The following FLRT2 variants were observed in gnomAD, a reference collection of about 807,000 sequenced individuals.
The protein encoded by FLRT2 is fibronectin leucine rich transmembrane protein 2, also known as leucine-rich repeat transmembrane protein FLRT2.
FLRT2 carries 15 observed loss-of-function variants against 40.0 expected under a neutral mutation model. The ratio of observed to expected loss-of-function variants is 0.38; its 90% confidence interval spans 0.25 to 0.58. FLRT2 has a LOEUF of 0.58. Ranked by LOEUF, FLRT2 falls within the 20% of genes least tolerant of loss-of-function variation. FLRT2 has a pLI of 0.71. For missense variants in FLRT2, 726 were observed against 840.0 expected, an observed-to-expected ratio of 0.86 and a Z score of 1.68; for synonymous variants, 380 against 336.8, an observed-to-expected ratio of 1.13 and a Z score of -1.41.
intron 1 of FLRT2, among the ~76,000 whole-genome samples, chr14:85,552,481 G>C (rs1889694902): frequency 6.6e-6 from 1 of 152,148 alleles, no homozygotes; most frequent in Non-Finnish European, 1.5e-5. Flanking sequence ...GGCTTATTCA[G>C]AAAAAGTTAA....
At chr14:85,587,500 C>T (rs1347856776) in intron 1 of FLRT2, among the ~76,000 whole-genome samples, 1 of 152,078 alleles carries the variant, frequency 6.6e-6, no homozygotes, top group Non-Finnish European at 1.5e-5. Context: ...AAAGCATATT[C>T]AGTTCCTAGG....
At chr14:85,563,962 C>A (rs1232384779) in intron 1 of FLRT2, among the ~76,000 whole-genome samples, 1 of 152,132 alleles carries the variant, frequency 6.6e-6, no homozygotes, top group Admixed American at 6.5e-5. Flanking sequence ...TAAAGGGAGA[C>A]ACTCATGTAG....
chr14:85,561,365 C>T (rs1166864173), intron 1 of FLRT2: 2 of 152,076 alleles, frequency 1.3e-5, no homozygotes, highest in African/African-American at 4.8e-5. Flanking sequence ...GTGCACGTTC[C>T]CTGAGATTAT....
chr14:85,569,809 G>A (rs550925877), intron 1 of FLRT2, among the ~76,000 whole-genome samples: 19 of 152,266 alleles, frequency 1.2e-4, no homozygotes, highest in African/African-American at 4.1e-4. Context: ...CTTTTGGAGG[G>A]ATTTTGCATT....
chr14:85,533,322 A>T (rs1054972348), intron 1 of FLRT2, among the ~76,000 whole-genome samples: 2 of 151,956 alleles, frequency 1.3e-5, no homozygotes, highest in East Asian at 3.9e-4. Context: ...CGGCGCCTAC[A>T]TTAGCCCGGC....
chr14:85,544,665 G>A (rs1004739412), intron 1 of FLRT2, among the ~76,000 whole-genome samples: 1 of 152,144 alleles, frequency 6.6e-6, no homozygotes, highest in Non-Finnish European at 1.5e-5. Flanking sequence ...ATTGAGTACA[G>A]CACAAAGCTT....
Position 85,646,492 on chromosome 14 carries a change from G to A in FLRT2, c.*22995G>A, listed in dbSNP as rs1260552998. 3 of 152,220 alleles carry A rather than the reference G, an allele frequency of 2.0e-5. No homozygotes were observed. Among genetic ancestry groups the A allele is most frequent in the African/African-American group, 7.2e-5 (3 of 41,450 alleles). 9.4% of individuals were successfully genotyped at this position (152,220 alleles called of 1,614,324 possible). A position where few individuals can be genotyped will look rare whatever the true frequency, so the allele number is the denominator to read the frequency against. ...AGGAAGGGAGGAAAGGATGAAGTAGGTTTGCAGTCCTCTTAGAAGAAGGTA... is the reference window on the plus strand; with the variant it reads ...AGGAAGGGAGGAAAGGATGAAGTAGATTTGCAGTCCTCTTAGAAGAAGGTA... On this transcript the variant is annotated 3_prime_UTR_variant, in exon 2 of 2. Transcript: ENST00000330753.
intron 1 of FLRT2, among the ~76,000 whole-genome samples, chr14:85,544,716 G>C (rs894497391): frequency 2.0e-5 from 3 of 152,198 alleles, no homozygotes; most frequent in African/African-American, 7.2e-5. Context: ...GGTTTAATGT[G>C]TTGATGGTTA....
At chr14:85,555,035 G>A (rs1889869271) in intron 1 of FLRT2, among the ~76,000 whole-genome samples, 1 of 152,204 alleles carries the variant, frequency 6.6e-6, no homozygotes, top group Non-Finnish European at 1.5e-5. Context: ...GGGCCTTAGA[G>A]ATGTGGTATG....
rs1033650878 is a variant in FLRT2 at position 85,629,040 on chromosome 14, A to C, written c.*5543A>C. On this transcript the variant is annotated 3_prime_UTR_variant, in exon 2 of 2. Transcript: ENST00000330753. ...CATCTGATATATTTACTATTCATCT[A>C]CTTTCTACAGCACTATGTTAGGGTC... The C allele has an allele frequency of 6.6e-6, 1 of 152,144 alleles. No individual in the cohort carries two copies. The highest frequency in any genetic ancestry group is 1.9e-4 in the East Asian group (1 of 5,190). 9.4% of individuals were successfully genotyped at this position (152,144 alleles called of 1,614,324 possible). A position where few individuals can be genotyped will look rare whatever the true frequency, so the allele number is the denominator to read the frequency against.
At chr14:85,612,158 A>C (rs1053403652) in intron 1 of FLRT2, among the ~76,000 whole-genome samples, 11 of 150,076 alleles carry the variant, frequency 7.3e-5, no homozygotes, top group Non-Finnish European at 8.8e-5. Context: ...GAAAAAAAAA[A>C]ACACAGTTAA....
At chr14:85,587,626 C>G (rs999657358) in intron 1 of FLRT2, among the ~76,000 whole-genome samples, 2 of 151,880 alleles carry the variant, frequency 1.3e-5, no homozygotes, top group African/African-American at 2.4e-5. Context: ...AACCCTACCG[C>G]AGGTTCAGCA....
At chr14:85,539,479 A>G (rs1888858234) in intron 1 of FLRT2, among the ~76,000 whole-genome samples, 1 of 152,168 alleles carries the variant, frequency 6.6e-6, no homozygotes, top group Non-Finnish European at 1.5e-5. Flanking sequence ...CTGAATGAGT[A>G]TAATCCTATG....
chr14:85,538,525 T>C (rs1888803657), intron 1 of FLRT2, among the ~76,000 whole-genome samples: 1 of 120,850 alleles, frequency 8.3e-6, no homozygotes, highest in Non-Finnish European at 1.8e-5. Context: ...AGGTCTTCTG[T>C]TCCCTTCAGT....
chr14:85,558,289 T>C (rs1890099652), intron 1 of FLRT2, among the ~76,000 whole-genome samples: 1 of 149,858 alleles, frequency 6.7e-6, no homozygotes, highest in Admixed American at 6.7e-5. Context: ...TTTTCAGGAA[T>C]TTTTTTTTTA....
intron 1 of FLRT2, among the ~76,000 whole-genome samples, chr14:85,555,751 T>C (rs949707374): frequency 7.9e-6 from 1 of 126,108 alleles, no homozygotes; most frequent in Non-Finnish European, 1.8e-5. Flanking sequence ...AGATGAGGTC[T>C]CACCCTGTGG....
In FLRT2 at chr14:85,633,071, C is replaced by A. The variant is rs1032370161; in HGVS notation, c.*9574C>A. On this transcript the variant is annotated 3_prime_UTR_variant, in exon 2 of 2. Transcript: ENST00000330753. ...CAAGCACATGGTGACAAATTGCCAG[C>A]TTTTTATGATGAAAATCAAATTTCT... 7 of 152,126 alleles carry A rather than the reference C, an allele frequency of 4.6e-5. No individual in the cohort carries two copies. Among genetic ancestry groups the A allele is most frequent in the East Asian group, 1.9e-4 (1 of 5,198 alleles). 9.4% of individuals were successfully genotyped at this position (152,126 alleles called of 1,614,324 possible).
intron 1 of FLRT2, among the ~76,000 whole-genome samples, chr14:85,537,845 G>GT (rs55897031): frequency 0.72 from 105,103 of 146,436 alleles, 37,992 homozygotes; most frequent in Non-Finnish European, 0.75. Context: ...TTCATGTTTT[G>GT]TTTTTTTTTT....
Position 85,635,984 on chromosome 14 carries a change from G to A in FLRT2, c.*12487G>A, listed in dbSNP as rs1274701105. 1 of 151,922 alleles carries A rather than the reference G, an allele frequency of 6.6e-6. No homozygotes were observed. The highest frequency in any genetic ancestry group is 1.5e-5 in the Non-Finnish European group (1 of 67,942). 9.4% of individuals were successfully genotyped at this position (151,922 alleles called of 1,614,324 possible). ...TACACACTTCCAATAATTGATAATA[G>A]TCTAATGATTGATATTTTAAATTAA... On this transcript the variant is annotated 3_prime_UTR_variant, in exon 2 of 2. Transcript: ENST00000330753.
Sources: allele counts gnomAD v4.1 joint callset (sites outside exome capture counted in the v4.1 genomes callset), GRCh38; gene constraint gnomAD v4.1.1; transcripts MANE v1.5; gene names NCBI Gene and HGNC (gene_info 2026-07-23, HGNC 2026-07-21).